NAALAD2: variants seen among roughly 807,000 people sequenced by gnomAD.
NAALAD2 encodes the protein N-acetylated-alpha-linked acidic dipeptidase 2.
In NAALAD2, 89 loss-of-function variants were observed where a neutral mutation model predicts 95.6. The ratio of observed to expected loss-of-function variants is 0.93; its 90% CI spans 0.78 to 1.11. NAALAD2 has a LOEUF of 1.11. Among genes scored for constraint, NAALAD2 ranks in the 50% least tolerant of loss-of-function variants. NAALAD2 has a pLI of 0.00. For synonymous variants in NAALAD2, 264 were observed against 294.4 expected (o/e 0.90, Z 1.06); for missense variants, 894 against 872.4 (o/e 1.02, Z -0.31).
At chr11:90,132,656 A>T (rs905606309), upstream of NAALAD2, among the ~76,000 whole-genome samples, 1 of 152,214 alleles carries the variant, frequency 6.6e-6, no homozygotes, top group Non-Finnish European at 1.5e-5. Context: ...TCACACATAA[A>T]AATAATTCTG....
chr11:90,155,322 TA>T (rs1347929910), intron 6 of NAALAD2, among the ~76,000 whole-genome samples: 1 of 118,564 alleles, frequency 8.4e-6, no homozygotes, highest in South Asian at 2.5e-4. Context: ...TTATATATAA[TA>T]TATAATGTAT....
intron 2 of NAALAD2, among the ~76,000 whole-genome samples, chr11:90,139,799 G>C (rs1416076250): frequency 6.7e-5 from 10 of 148,570 alleles, no homozygotes; most frequent in Admixed American, 6.7e-4. Flanking sequence ...ATTTGCAAAA[G>C]AACAAAGTTT....
intron 6 of NAALAD2, among the ~76,000 whole-genome samples, chr11:90,155,731 A>ATACATATGTATGTATTAT: frequency 1.8e-5 from 1 of 55,120 alleles, no homozygotes; most frequent in Admixed American, 2.4e-4. Context: ...TAATACATAC[A>ATACATATGTATGTATTAT]TACATATGTA....
intron 1 of NAALAD2, 138 bp downstream of exon 1, chr11:90,134,978 C>A (rs1388010082): frequency 1.2e-6 from 1 of 826,246 alleles, no homozygotes; most frequent in Non-Finnish European, 2.0e-6. Flanking sequence ...AAACTCTGCA[C>A]ATTTCAGCAA....
chr11:90,191,610 C>T lies in NAALAD2; in HGVS notation c.2086C>T (p.Pro696Ser). 1 of 1,603,670 alleles carries T rather than the reference C, an allele frequency of 6.2e-7. No individual in the cohort carries two copies. Among genetic ancestry groups the T allele is most frequent in the Non-Finnish European group, 8.5e-7 (1 of 1,175,154 alleles). ...CAACAAATATGCTGGAGAATCATTT[C>T]CTGGAATCTATGATGCTATCTTTGA... ...SHNKYAGESF[P>S]GIYDAIFDIE... The change falls in exon 19 of 19, where the codon CCT (proline) becomes TCT (serine). Residue 696 changes from proline (P) to serine (S), a missense_variant. Physicochemically the swap from Pro to Ser is moderately conservative, Grantham distance 74. Transcript: ENST00000534061.
At chr11:90,163,802 A>T in intron 11 of NAALAD2, 185 bp downstream of exon 11, 1 of 621,492 alleles carries the variant, frequency 1.6e-6, no homozygotes. Flanking sequence ...ACCTTTTAGT[A>T]CTAGACTGCA....
At chr11:90,150,188 G>A (rs1951849095) in intron 4 of NAALAD2, among the ~76,000 whole-genome samples, 1 of 152,156 alleles carries the variant, frequency 6.6e-6, no homozygotes, top group Admixed American at 6.5e-5. Context: ...GAAGGTGGAG[G>A]AGGTTGCAGT....
Position 90,163,307 on chromosome 11 carries a change from C to T in NAALAD2, c.1076-3C>T. 6.2e-7 allele frequency: 1 copy of T among 1,610,248 alleles called. No individual in the cohort carries two copies. The highest frequency in any genetic ancestry group is 2.2e-5 in the East Asian group (1 of 44,866). ...TAGGTTTCTTGAACGTATTATTTTC[C>T]AGACAGGTATGTTATTCTGGGAGGT... On this transcript the variant is annotated splice_region_variant and splice_polypyrimidine_tract_variant and intron_variant, in intron 9 of 18. Coordinates refer to ENST00000534061, the MANE Select transcript of NAALAD2 (RefSeq NM_005467.4).
At chr11:90,144,697 G>A (rs867151285) in intron 2 of NAALAD2, among the ~76,000 whole-genome samples, 4 of 138,660 alleles carry the variant, frequency 2.9e-5, no homozygotes, top group Non-Finnish European at 4.5e-5. Flanking sequence ...AGTCGAGATT[G>A]TACCACTGCA....
intron 8 of NAALAD2, among the ~76,000 whole-genome samples, chr11:90,160,337 G>A (rs996670165): frequency 6.6e-6 from 1 of 152,112 alleles, no homozygotes; most frequent in Non-Finnish European, 1.5e-5. Flanking sequence ...GAAATGTGAT[G>A]GGAGAGAGAA....
chr11:90,132,138 T>TG (rs1951361494), upstream of NAALAD2: 2 of 152,658 alleles, frequency 1.3e-5, no homozygotes, highest in Non-Finnish European at 2.9e-5. Context: ...GCCAGCTAAC[T>TG]GGGCTTTTTA....
chr11:90,134,720 G>C lies in NAALAD2; in HGVS notation c.-39G>C, dbSNP rs1431523756. ...GTTTCTCTGCAGCCCCGAAGCTCGCGAATGTAGCAGGCGCCCCAAGCTCGG... is the reference window on the plus strand; with the variant it reads ...GTTTCTCTGCAGCCCCGAAGCTCGCCAATGTAGCAGGCGCCCCAAGCTCGG... On this transcript the variant is annotated 5_prime_UTR_variant, in exon 1 of 19. Coordinates refer to ENST00000534061, the MANE Select transcript of NAALAD2 (RefSeq NM_005467.4). The C allele has an allele frequency of 2.5e-6, 4 of 1,604,640 alleles. No individual in the cohort carries two copies. The highest frequency in any genetic ancestry group is 1.7e-5 in the Admixed American group (1 of 60,008).
intron 6 of NAALAD2, among the ~76,000 whole-genome samples, chr11:90,154,160 A>G (rs1951966227): frequency 6.6e-6 from 1 of 150,548 alleles, no homozygotes; most frequent in Admixed American, 6.6e-5. Flanking sequence ...TATACATTTT[A>G]TAGAGGTACT....
intron 18 of NAALAD2, among the ~76,000 whole-genome samples, chr11:90,184,728 T>G (rs1857075564): frequency 6.6e-6 from 1 of 152,138 alleles, no homozygotes; most frequent in African/African-American, 2.4e-5. Context: ...CTTTATTCTC[T>G]TCAGTGAAAC....
chr11:90,191,655 T>C lies in NAALAD2; in HGVS notation c.2131T>C (p.Ser711Pro). 1.2e-6 allele frequency: 2 copies of C among 1,606,508 alleles called. No individual in the cohort carries two copies. The highest frequency in any genetic ancestry group is 1.1e-5 in the South Asian group (1 of 89,154). ...AIFDIENKANSRLAWKEVKKH... is the reference protein window; with the variant it reads ...AIFDIENKANPRLAWKEVKKH... ...CTTTGATATTGAAAATAAAGCCAAC[T>C]CTCGTTTGGCCTGGAAAGAAGTAAA... Residue 711 changes from serine (S) to proline (P), a missense_variant, in exon 19 of 19, where the codon TCT becomes CCT. Physicochemically the swap from Ser to Pro is moderately conservative, Grantham distance 74. Transcript: ENST00000534061.
chr11:90,165,291 G>C (rs1299800271), intron 11 of NAALAD2, among the ~76,000 whole-genome samples: 1 of 152,152 alleles, frequency 6.6e-6, no homozygotes, highest in Non-Finnish European at 1.5e-5. Flanking sequence ...ATGTGTGTAT[G>C]TGTCTTTATA....
chr11:90,138,877 T>A (rs533088934), intron 2 of NAALAD2, among the ~76,000 whole-genome samples: 1 of 151,968 alleles, frequency 6.6e-6, no homozygotes, highest in Non-Finnish European at 1.5e-5. Context: ...TTGGGCTTGA[T>A]GGCTTTCACA....
chr11:90,141,601 T>TGTTG (rs1350011760), intron 2 of NAALAD2, among the ~76,000 whole-genome samples: 1 of 151,578 alleles, frequency 6.6e-6, no homozygotes, highest in Non-Finnish European at 1.5e-5. Flanking sequence ...AGGTTTTGTT[T>TGTTG]GTTTGTTTGT....
chr11:90,168,794 G>A (rs1952551659), intron 11 of NAALAD2, 135 bp from the exon 12 acceptor site: 2 of 663,608 alleles, frequency 3.0e-6, no homozygotes, highest in Non-Finnish European at 5.3e-6. Flanking sequence ...AGAAATTAGG[G>A]TCACAGATGG....
Sources: gnomAD v4.1 joint callset for allele counts (sites outside exome capture counted in the v4.1 genomes callset) on GRCh38, gnomAD v4.1.1 for gene constraint, MANE v1.5 for transcripts, NCBI Gene and HGNC (gene_info 2026-07-23, HGNC 2026-07-21) for gene names.